The following GPHN variants were observed in gnomAD, a reference collection of about 807,000 sequenced individuals.
GPHN encodes the protein gephyrin.
GPHN carries 17 observed loss-of-function variants against 95.5 expected under a neutral mutation model. That is an observed-to-expected ratio of 0.18 (90% confidence interval 0.12 to 0.27). The LOEUF (loss-of-function observed/expected upper bound fraction) is 0.27. Ranked by LOEUF, GPHN falls within the 10% of genes least tolerant of loss-of-function variation. The pLI is 1.00. For synonymous variants in GPHN, 320 were observed against 322.5 expected (o/e 0.99, Z 0.08); for missense variants, 660 against 978.1 (o/e 0.67, Z 4.34).
the GPHN span, among the ~76,000 whole-genome samples, chr14:67,657,594 G>A: frequency 1.2e-4 from 15 of 129,418 alleles, no homozygotes; most frequent in Admixed American, 2.4e-4. Context: ...GCACGCGCGC[G>A]CGTGCACACA....
chr14:66,739,387 T>C (rs949249090), intron 2 of GPHN, among the ~76,000 whole-genome samples: 1 of 151,796 alleles, frequency 6.6e-6, no homozygotes, highest in African/African-American at 2.4e-5. Context: ...CGGCTAATTT[T>C]TTGTATTTTT....
chr14:66,805,365 A>T (rs982978984), intron 3 of GPHN, among the ~76,000 whole-genome samples: 5 of 152,126 alleles, frequency 3.3e-5, no homozygotes, highest in Admixed American at 1.3e-4. Flanking sequence ...CAATCAAACC[A>T]TATCATTTCA....
intron 9 of GPHN, among the ~76,000 whole-genome samples, chr14:66,975,524 G>A (rs945209981): frequency 1.3e-5 from 2 of 152,136 alleles, no homozygotes; most frequent in African/African-American, 2.4e-5. Context: ...AAGCTTGAGT[G>A]TGTAAAAATA....
In GPHN at chr14:67,062,042, T is replaced by G. The variant is rs146445997; in HGVS notation, c.1144+3256T>G. Among the ~76,000 whole-genome samples, 320 of 152,306 alleles carry G rather than the reference T, an allele frequency of 2.1e-3. 1 individual carries two copies. Among genetic ancestry groups the G allele is most frequent in the African/African-American group, 7.2e-3 (300 of 41,556 alleles). On this transcript the variant is annotated intron_variant, in intron 11 of 22. Transcript: ENST00000478722. The stretch of plus-strand genomic sequence containing the variant: ...TTGTAAGACAACTGACTGAAATATT[T>G]GTTCACTATTAATTTTAAATGCCCT...
the GPHN span, among the ~76,000 whole-genome samples, chr14:67,341,619 G>A: frequency 6.6e-6 from 1 of 151,470 alleles, no homozygotes; most frequent in African/African-American, 2.4e-5. Context: ...GGGCGCCTCT[G>A]CCCGGCCACC....
chr14:67,733,254 T>C, the GPHN span, among the ~76,000 whole-genome samples: 26 of 152,214 alleles, frequency 1.7e-4, no homozygotes, highest in Admixed American at 1.7e-3. Context: ...GGGTTCATGG[T>C]ATGCAAGTGC....
At chr14:66,948,241 A>C (rs1260763617) in intron 8 of GPHN, among the ~76,000 whole-genome samples, 1 of 152,144 alleles carries the variant, frequency 6.6e-6, no homozygotes, top group African/African-American at 2.4e-5. Context: ...AAAAATTCTG[A>C]AATTTTTAAA....
At chr14:66,846,105 CTT>C (rs1407388689) in intron 4 of GPHN, among the ~76,000 whole-genome samples, 1 of 152,090 alleles carries the variant, frequency 6.6e-6, no homozygotes, top group Non-Finnish European at 1.5e-5. Context: ...GGAAAGAAGA[CTT>C]TCAATCTGTT....
At chr14:66,850,446 C>G (rs144277080) in intron 4 of GPHN, among the ~76,000 whole-genome samples, 3 of 151,874 alleles carry the variant, frequency 2.0e-5, no homozygotes, top group Non-Finnish European at 4.4e-5. Flanking sequence ...TTTTTAGTTG[C>G]CCATAATATG....
At chr14:67,733,814 T>A in the GPHN span, 1 of 1,613,388 alleles carries the variant, frequency 6.2e-7, no homozygotes, top group Non-Finnish European at 8.5e-7. Context: ...CTATGGAATG[T>A]CAGCTGTGAG....
the GPHN span, among the ~76,000 whole-genome samples, chr14:67,551,238 G>C: frequency 0.068 from 10,304 of 152,284 alleles, 403 homozygotes; most frequent in Non-Finnish European, 0.094. Flanking sequence ...TGGAGAGAAA[G>C]TGAAAGGAGG....
chr14:66,514,869 A>G (rs1042040353), intron 1 of GPHN, among the ~76,000 whole-genome samples: 8 of 151,948 alleles, frequency 5.3e-5, no homozygotes, highest in African/African-American at 1.5e-4. Flanking sequence ...CCTGTAATCT[A>G]TATGTGGGAG....
chr14:66,873,181 G>A (rs531396918), intron 4 of GPHN, among the ~76,000 whole-genome samples: 4 of 152,306 alleles, frequency 2.6e-5, no homozygotes, highest in Admixed American at 2.6e-4. Flanking sequence ...AGGGATCAGG[G>A]AAGTCCCTCC....
the GPHN span, chr14:67,729,255 C>T: frequency 6.2e-7 from 1 of 1,609,256 alleles, no homozygotes; most frequent in Non-Finnish European, 8.5e-7. Context: ...TCCGGCACTC[C>T]TCCCTGCTCT....
rs187639725 is a variant in GPHN at position 67,177,015 on chromosome 14, T to C, written c.2080-2563T>C. Reference sequence around the variant, plus strand: ...AGAGTCTATCTATTTTGTTGACCTTTTCAAAAAACCAGCTCCTGGATTCAC... The same window carrying C: ...AGAGTCTATCTATTTTGTTGACCTTCTCAAAAAACCAGCTCCTGGATTCAC... On this transcript the variant is annotated intron_variant, in intron 21 of 22. Coordinates refer to ENST00000478722, the MANE Select transcript of GPHN (RefSeq NM_020806.5). 6.0e-4 allele frequency among the ~76,000 whole-genome samples: 92 copies of C among 152,330 alleles called. 3 individuals are homozygous for C. The highest frequency in any genetic ancestry group is 2.1e-3 in the African/African-American group (89 of 41,572).
At chr14:66,964,970 C>T (rs2069214377) in intron 8 of GPHN, among the ~76,000 whole-genome samples, 1 of 152,112 alleles carries the variant, frequency 6.6e-6, no homozygotes, top group African/African-American at 2.4e-5. Flanking sequence ...TACTGCCTCT[C>T]ATATTAAAAA....
chr14:66,853,736 C>T (rs1029048626), intron 4 of GPHN, among the ~76,000 whole-genome samples: 5 of 152,220 alleles, frequency 3.3e-5, no homozygotes, highest in African/African-American at 9.6e-5. Context: ...CAAACCATAT[C>T]ATACTATAAT....
the GPHN span, among the ~76,000 whole-genome samples, chr14:67,596,773 T>C: frequency 1.3e-5 from 2 of 152,208 alleles, no homozygotes; most frequent in African/African-American, 4.8e-5. Flanking sequence ...GAATCCCACC[T>C]TGCCCCTGAT....
intron 21 of GPHN, among the ~76,000 whole-genome samples, chr14:67,178,094 TC>T (rs760366153): frequency 1.3e-5 from 2 of 152,218 alleles, no homozygotes; most frequent in East Asian, 3.8e-4. Flanking sequence ...GTGAATTTGA[TC>T]CTGTCATTAT....
Sources: allele counts gnomAD v4.1 joint callset (sites outside exome capture counted in the v4.1 genomes callset), GRCh38; gene constraint gnomAD v4.1.1; transcripts MANE v1.5; gene names NCBI Gene and HGNC (gene_info 2026-07-23, HGNC 2026-07-21).